Variants in CCDC7 observed in about 807,000 individuals in gnomAD.
The protein encoded by CCDC7 is coiled-coil domain containing 7.
In CCDC7, 183 loss-of-function variants were observed where a neutral mutation model predicts 196.9. The ratio of observed to expected loss-of-function variants is 0.93; its 90% CI spans 0.82 to 1.05. The LOEUF (loss-of-function observed/expected upper bound fraction) is 1.05, where lower values mean the gene tolerates loss of function less well. Ranked by LOEUF, CCDC7 falls within the 50% of genes least tolerant of loss-of-function variation. The pLI, the probability that CCDC7 is intolerant of heterozygous loss-of-function variation, is 0.00. For missense variants in CCDC7, 1,540 were observed against 1,482.2 expected, an observed-to-expected ratio of 1.04 and a Z score of -0.64; for synonymous variants, 525 against 484.6, an observed-to-expected ratio of 1.08 and a Z score of -1.10.
chr10:32,610,521 A>G (rs1590554884), intron 18 of CCDC7, among the ~76,000 whole-genome samples: 1 of 152,086 alleles, frequency 6.6e-6, no homozygotes, highest in Admixed American at 6.6e-5. Flanking sequence ...TGCTGCACCC[A>G]TCAACGCGTC....
Position 32,669,575 on chromosome 10 carries a change from A to T in CCDC7, c.2122+5414A>T, listed in dbSNP as rs540330685. Among the ~76,000 whole-genome samples the T allele has an allele frequency of 2.0e-5, 3 of 152,142 alleles. No individual in the cohort carries two copies. In the South Asian group the frequency reaches 6.2e-4, roughly 32 times the overall value. On this transcript the variant is annotated intron_variant, in intron 21 of 41. Coordinates refer to ENST00000639629, the Ensembl canonical transcript of CCDC7. ...TAATCACCTTACTCATTATTAGTTTATTCATATTTCTCTTCTTCATGATTT... is the reference window on the plus strand; with the variant it reads ...TAATCACCTTACTCATTATTAGTTTTTTCATATTTCTCTTCTTCATGATTT...
At chr10:32,824,084 T>C (rs932059262) in intron 31 of CCDC7, among the ~76,000 whole-genome samples, 3 of 152,088 alleles carry the variant, frequency 2.0e-5, no homozygotes, top group Non-Finnish European at 4.4e-5. Context: ...AGGTCAACTA[T>C]GAAAAAAAAT....
At chr10:32,602,978 A>G (rs1056883970) in intron 18 of CCDC7, among the ~76,000 whole-genome samples, 1 of 152,136 alleles carries the variant, frequency 6.6e-6, no homozygotes, top group Admixed American at 6.5e-5. Flanking sequence ...ATCTTATTTT[A>G]TGGGCTATTT....
At chr10:32,522,525 A>G (rs901018726) in intron 11 of CCDC7, among the ~76,000 whole-genome samples, 10 of 151,862 alleles carry the variant, frequency 6.6e-5, no homozygotes, top group Admixed American at 2.0e-4. Flanking sequence ...CTCCTTTTTC[A>G]TATCTGATTT....
At chr10:32,808,087 A>T (rs987120506) in intron 30 of CCDC7, among the ~76,000 whole-genome samples, 1 of 152,056 alleles carries the variant, frequency 6.6e-6, no homozygotes, top group African/African-American at 2.4e-5. Flanking sequence ...CCCTGAGAAC[A>T]GGCTCTCCCT....
intron 21 of CCDC7, among the ~76,000 whole-genome samples, chr10:32,681,735 GTA>G (rs1433633424): frequency 2.5e-5 from 2 of 81,272 alleles, no homozygotes; most frequent in East Asian, 4.2e-4. Context: ...GTATTTATAT[GTA>G]TACACACACA....
intron 32 of CCDC7, among the ~76,000 whole-genome samples, chr10:32,828,871 G>C (rs895683725): frequency 6.6e-6 from 1 of 152,174 alleles, no homozygotes; most frequent in African/African-American, 2.4e-5. Flanking sequence ...TTTGTTTCTT[G>C]TTCCTGTGAC....
At chr10:32,473,755 A>G (rs1045139959) in intron 7 of CCDC7, among the ~76,000 whole-genome samples, 1 of 152,180 alleles carries the variant, frequency 6.6e-6, no homozygotes. Flanking sequence ...TTGATGAGAA[A>G]GTGATGTTTA....
chr10:32,874,752 C>A (rs867485200), intron 41 of CCDC7, among the ~76,000 whole-genome samples: 4 of 49,470 alleles, frequency 8.1e-5, no homozygotes, highest in South Asian at 1.6e-3. Flanking sequence ...ACCAACATAT[C>A]TACACACACA....
intron 16 of CCDC7, among the ~76,000 whole-genome samples, chr10:32,582,376 T>G (rs1458584788): frequency 6.6e-6 from 1 of 151,912 alleles, no homozygotes; most frequent in Non-Finnish European, 1.5e-5. Context: ...CAAATTCTGT[T>G]GCATTTCATA....
chr10:32,642,460 TATA>T (rs2067006707), intron 20 of CCDC7, among the ~76,000 whole-genome samples: 1 of 152,190 alleles, frequency 6.6e-6, no homozygotes, highest in Non-Finnish European at 1.5e-5. Context: ...AGGTGCGGGA[TATA>T]ATCTCCTGGT....
intron 25 of CCDC7, among the ~76,000 whole-genome samples, chr10:32,721,353 T>G (rs1036066867): frequency 6.6e-5 from 10 of 152,154 alleles, no homozygotes; most frequent in African/African-American, 2.4e-4. Flanking sequence ...TCAGTGTCTT[T>G]CTGCCGTAGG....
intron 31 of CCDC7, among the ~76,000 whole-genome samples, chr10:32,816,794 A>G (rs1050495739): frequency 6.6e-6 from 1 of 152,184 alleles, no homozygotes; most frequent in African/African-American, 2.4e-5. Context: ...TAGAAGGAAA[A>G]CTAACAAACA....
chr10:32,750,367 G>A (rs2075467915), intron 28 of CCDC7, among the ~76,000 whole-genome samples: 1 of 152,180 alleles, frequency 6.6e-6, no homozygotes, highest in East Asian at 1.9e-4. Flanking sequence ...GGGGTGTCCA[G>A]CAAAAACATA....
intron 9 of CCDC7, among the ~76,000 whole-genome samples, chr10:32,500,696 G>A (rs961559111): frequency 2.0e-5 from 3 of 152,192 alleles, no homozygotes; most frequent in Non-Finnish European, 4.4e-5. Context: ...CAAGGCAGGC[G>A]GCTGGGAGGT....
At chr10:32,723,965 G>A (rs947708568) in intron 25 of CCDC7, among the ~76,000 whole-genome samples, 1 of 151,858 alleles carries the variant, frequency 6.6e-6, no homozygotes, top group Non-Finnish European at 1.5e-5. Context: ...CATTGCCTCC[G>A]AGATTGTATT....
chr10:32,620,879 A>G (rs1282173585), intron 18 of CCDC7, among the ~76,000 whole-genome samples: 2 of 152,214 alleles, frequency 1.3e-5, no homozygotes, highest in Non-Finnish European at 2.9e-5. Context: ...ACGATTGTAA[A>G]TATGGTATGC....
intron 20 of CCDC7, among the ~76,000 whole-genome samples, chr10:32,648,177 A>G (rs2068104154): frequency 2.0e-5 from 3 of 151,954 alleles, no homozygotes; most frequent in African/African-American, 7.3e-5. Flanking sequence ...ATTCTATTTT[A>G]TTGGATTGTG....
At chr10:32,726,813 T>A in exon 26 of CCDC7, 1 of 1,591,784 alleles carries the variant, frequency 6.3e-7, no homozygotes. Context: ...AAATAACTCC[T>A]GGAAGGGAAA....
Sources: gnomAD v4.1 joint callset for allele counts (sites outside exome capture counted in the v4.1 genomes callset) on GRCh38, gnomAD v4.1.1 for gene constraint, MANE v1.5 for transcripts, NCBI Gene and HGNC (gene_info 2026-07-23, HGNC 2026-07-21) for gene names.